TTC29: variants seen among roughly 807,000 people sequenced by gnomAD.
TTC29 encodes tetratricopeptide repeat domain 29.
Under a neutral mutation model 58.1 loss-of-function variants are expected in TTC29, and 49 were observed. The observed-to-expected ratio is 0.84, with a 90% CI of 0.67 to 1.07. The LOEUF (loss-of-function observed/expected upper bound fraction) is 1.07. Ranked by LOEUF, TTC29 falls within the 50% of genes least tolerant of loss-of-function variation. The pLI, the probability that TTC29 is intolerant of heterozygous loss-of-function variation, is 0.00. For missense variants in TTC29, 582 were observed against 555.6 expected (o/e 1.05, Z -0.48); for synonymous variants, 209 against 196.8 (o/e 1.06, Z -0.52).
intron 4 of TTC29, among the ~76,000 whole-genome samples, chr4:146,909,715 A>T (rs1733770428): frequency 6.6e-6 from 1 of 152,216 alleles, no homozygotes; most frequent in Non-Finnish European, 1.5e-5. Context: ...TATTTATTGA[A>T]ATCTATTACT....
In TTC29 at chr4:146,907,449, T is replaced by G. The variant is rs72960311; in HGVS notation, c.400+1577A>C. On this transcript the variant is annotated intron_variant, in intron 5 of 12. Coordinates refer to ENST00000325106, the MANE Select transcript of TTC29 (RefSeq NM_031956.4). ...CTTAGTTCTACTTTCAGTTTAAATA[T>G]CACTGTAGAATTTTGGGCAAATACT... Among the ~76,000 whole-genome samples, 1,052 of 152,306 alleles carry G rather than the reference T, an allele frequency of 6.9e-3. 14 individuals carry two copies. Among genetic ancestry groups the G allele is most frequent in the African/African-American group, 0.024 (1,006 of 41,580 alleles).
At chr4:146,777,398 T>G (rs1319962323) in intron 11 of TTC29, among the ~76,000 whole-genome samples, 1 of 152,162 alleles carries the variant, frequency 6.6e-6, no homozygotes, top group Non-Finnish European at 1.5e-5. Flanking sequence ...CTTTTTTTTT[T>G]TAAGCTAGGA....
chr4:146,842,936 ACC>A (rs1311744378), intron 8 of TTC29, among the ~76,000 whole-genome samples: 1 of 152,116 alleles, frequency 6.6e-6, no homozygotes, highest in Non-Finnish European at 1.5e-5. Context: ...TGGCAATCTA[ACC>A]CCCTTTAGCC....
chr4:146,902,237 A>G (rs558573203), intron 6 of TTC29, among the ~76,000 whole-genome samples: 4 of 152,172 alleles, frequency 2.6e-5, no homozygotes, highest in Non-Finnish European at 5.9e-5. Context: ...CTCCGTGTAC[A>G]GAAGCTTAAG....
intron 11 of TTC29, among the ~76,000 whole-genome samples, chr4:146,734,533 C>T (rs1744581368): frequency 1.3e-5 from 2 of 152,076 alleles, no homozygotes; most frequent in African/African-American, 4.8e-5. Flanking sequence ...TCAGAAGTTC[C>T]AGGACTTGCG....
At chr4:146,915,073 C>T (rs113841584) in intron 4 of TTC29, among the ~76,000 whole-genome samples, 1,694 of 152,240 alleles carry the variant, frequency 0.011, 29 homozygotes, top group African/African-American at 0.037. Flanking sequence ...TAAAGAACTA[C>T]TTCAATTTTT....
At chr4:146,769,994 A>G (rs938816172) in intron 11 of TTC29, among the ~76,000 whole-genome samples, 1 of 152,004 alleles carries the variant, frequency 6.6e-6, no homozygotes, top group Non-Finnish European at 1.5e-5. Flanking sequence ...AGACCTAGAG[A>G]AGCCGATGAT....
At chr4:146,917,617 A>ACATTTTATATTATTTATATAATATC (rs1250048875) in intron 4 of TTC29, among the ~76,000 whole-genome samples, 1 of 143,148 alleles carries the variant, frequency 7.0e-6, no homozygotes, top group Admixed American at 7.1e-5. Context: ...TTTATAATAT[A>ACATTTTATATTATTTATATAATATC]TAATTAGATA....
intron 11 of TTC29, among the ~76,000 whole-genome samples, chr4:146,794,121 T>G (rs1749664256): frequency 6.6e-6 from 1 of 152,102 alleles, no homozygotes. Flanking sequence ...AATACTATAT[T>G]CACAATTCAT....
rs375176599 is a variant in TTC29, at chr4:146,812,762, T to C, written c.1101+7363A>G. 60 of 152,342 alleles carry C rather than the reference T, an allele frequency of 3.9e-4. 1 individual carries two copies. In the East Asian group the frequency reaches 8.1e-3, roughly 21 times the overall value. 9.4% of individuals were successfully genotyped at this position (152,342 alleles called of 1,614,324 possible). A position where few individuals can be genotyped will look rare whatever the true frequency, so the allele number is the denominator to read the frequency against. ...GCAAACATTTGTATACGTACCATTTTAGAATGAGATTTTGCTAATGTATAT... is the reference window on the plus strand; with the variant it reads ...GCAAACATTTGTATACGTACCATTTCAGAATGAGATTTTGCTAATGTATAT... On this transcript the variant is annotated intron_variant, in intron 10 of 12. Transcript: ENST00000325106.
At chr4:146,872,505 T>G (rs1730997614) in intron 7 of TTC29, among the ~76,000 whole-genome samples, 1 of 152,010 alleles carries the variant, frequency 6.6e-6, no homozygotes, top group Admixed American at 6.6e-5. Flanking sequence ...GAAAGACTTG[T>G]ATATAAAATA....
chr4:146,788,536 G>A (rs775529673), intron 11 of TTC29, among the ~76,000 whole-genome samples: 13 of 151,962 alleles, frequency 8.6e-5, no homozygotes, highest in Admixed American at 3.9e-4. Flanking sequence ...CCTGTGTTTC[G>A]TTTTAAAACC....
intron 9 of TTC29, among the ~76,000 whole-genome samples, chr4:146,826,698 G>A (rs1337471026): frequency 6.6e-6 from 1 of 152,056 alleles, no homozygotes; most frequent in East Asian, 1.9e-4. Flanking sequence ...ATATCCTGAA[G>A]CGTATTTTCC....
chr4:146,732,016 T>A (rs930354794), intron 11 of TTC29, among the ~76,000 whole-genome samples: 1 of 152,168 alleles, frequency 6.6e-6, no homozygotes, highest in African/African-American at 2.4e-5. Context: ...ATGACTCCTA[T>A]GAGTGATGTT....
intron 5 of TTC29, among the ~76,000 whole-genome samples, chr4:146,908,495 T>C (rs183596375): frequency 5.3e-5 from 8 of 152,320 alleles, no homozygotes; most frequent in African/African-American, 1.9e-4. Context: ...ATGGAAAATA[T>C]AAAATTGACA....
intron 10 of TTC29, among the ~76,000 whole-genome samples, chr4:146,811,419 T>C (rs1751015811): frequency 6.6e-6 from 1 of 152,148 alleles, no homozygotes; most frequent in African/African-American, 2.4e-5. Flanking sequence ...CTAGGATTGA[T>C]CTACATTTGT....
chr4:146,820,285 T>C (rs1457547463), intron 9 of TTC29, 37 bp from the exon 10 acceptor site: 1 of 1,596,394 alleles, frequency 6.3e-7, no homozygotes, highest in African/African-American at 1.3e-5. Context: ...TGGAGTATCA[T>C]CTCACTTAAT....
At chr4:146,792,129 C>T (rs559592227) in intron 11 of TTC29, among the ~76,000 whole-genome samples, 28 of 152,150 alleles carry the variant, frequency 1.8e-4, no homozygotes, top group African/African-American at 4.8e-4. Context: ...CTACACTAAA[C>T]GACGTATTTT....
rs61305625 is a variant in TTC29 at position 146,757,134 on chromosome 4, T to G, written c.1330+46323A>C. ...TTTTGTCATATTATCAGGGTTGTTT[T>G]TCTGGTTTCTTCTCATTTGAGTAGG... On this transcript the variant is annotated intron_variant, in intron 11 of 12. Transcript: ENST00000325106. Among the ~76,000 whole-genome samples, 849 of 152,236 alleles carry G rather than the reference T, an allele frequency of 5.6e-3. 10 individuals are homozygous for G. Among genetic ancestry groups the G allele is most frequent in the African/African-American group, 0.02 (827 of 41,548 alleles).
Sources: allele counts gnomAD v4.1 joint callset (sites outside exome capture counted in the v4.1 genomes callset), GRCh38; gene constraint gnomAD v4.1.1; transcripts MANE v1.5; gene names NCBI Gene and HGNC (gene_info 2026-07-23, HGNC 2026-07-21).